Variants in COL5A2 observed in about 807,000 individuals in gnomAD.
COL5A2 encodes collagen type V alpha 2 chain.
In COL5A2, 23 loss-of-function variants were observed where a neutral mutation model predicts 208.2. That is an observed-to-expected ratio of 0.11 (90% CI 0.08 to 0.16). COL5A2 has a LOEUF of 0.16. Among genes scored for constraint, COL5A2 ranks in the 10% least tolerant of loss-of-function variants. The probability of loss-of-function intolerance (pLI) is 1.00; values close to 1 mark genes in which losing one functional copy is unlikely to be tolerated. For missense variants in COL5A2, 1,590 were observed against 1,956.4 expected, an observed-to-expected ratio of 0.81 and a Z score of 3.53; for synonymous variants, 625 against 628.5, an observed-to-expected ratio of 0.99 and a Z score of 0.08.
the COL5A2 span, among the ~76,000 whole-genome samples, chr2:189,329,477 T>A: frequency 6.6e-6 from 1 of 152,156 alleles, no homozygotes; most frequent in Admixed American, 6.5e-5. Flanking sequence ...ATCTTAAATT[T>A]CCTCACCAAA....
intron 1 of COL5A2, among the ~76,000 whole-genome samples, chr2:189,143,129 T>A (rs753684809): frequency 6.6e-6 from 1 of 152,132 alleles, no homozygotes; most frequent in East Asian, 1.9e-4. Context: ...GCCTGCATTA[T>A]CTATATCACT....
At chr2:189,440,100 TC>T in the COL5A2 span, among the ~76,000 whole-genome samples, 1 of 152,220 alleles carries the variant, frequency 6.6e-6, no homozygotes, top group Non-Finnish European at 1.5e-5. Flanking sequence ...TAGTTCTGGC[TC>T]CCCAAATAAT....
At chr2:189,380,941 G>A in the COL5A2 span, among the ~76,000 whole-genome samples, 64 of 152,004 alleles carry the variant, frequency 4.2e-4, no homozygotes, top group African/African-American at 1.4e-3. Context: ...TCAAATATGT[G>A]AATGAAAACA....
intron 2 of COL5A2, among the ~76,000 whole-genome samples, chr2:189,108,893 T>C (rs1401929664): frequency 6.6e-6 from 1 of 151,990 alleles, no homozygotes; most frequent in Non-Finnish European, 1.5e-5. Context: ...TGATTTGATT[T>C]TCCTTCTATT....
At chr2:189,252,740 A>G in the COL5A2 span, among the ~76,000 whole-genome samples, 2 of 100,228 alleles carry the variant, frequency 2.0e-5, no homozygotes, top group Non-Finnish European at 4.2e-5. Flanking sequence ...GTGCACATGT[A>G]CCCTATTAAA....
At chr2:189,254,010 A>G in the COL5A2 span, among the ~76,000 whole-genome samples, 1 of 152,234 alleles carries the variant, frequency 6.6e-6, no homozygotes, top group Non-Finnish European at 1.5e-5. Flanking sequence ...CATCAACTAG[A>G]TTTTAAGCAC....
chr2:189,108,679 G>C (rs1020335569), intron 2 of COL5A2, among the ~76,000 whole-genome samples: 4 of 151,706 alleles, frequency 2.6e-5, no homozygotes, highest in African/African-American at 9.7e-5. Flanking sequence ...GTATTATATT[G>C]TTATTTGTTC....
intron 1 of COL5A2, among the ~76,000 whole-genome samples, chr2:189,139,328 C>G (rs879363643): frequency 6.6e-6 from 1 of 152,006 alleles, no homozygotes; most frequent in Non-Finnish European, 1.5e-5. Flanking sequence ...AATAATAATT[C>G]ATGTTGATAG....
At chr2:189,343,344 G>A in the COL5A2 span, among the ~76,000 whole-genome samples, 1 of 151,986 alleles carries the variant, frequency 6.6e-6, no homozygotes, top group Non-Finnish European at 1.5e-5. Flanking sequence ...CTTATTCTTA[G>A]TAACCTTAAA....
At chr2:189,381,712 G>A in the COL5A2 span, among the ~76,000 whole-genome samples, 7 of 151,964 alleles carry the variant, frequency 4.6e-5, no homozygotes, top group Admixed American at 2.6e-4. Flanking sequence ...GAAAGATTGT[G>A]CAGTAATTTT....
the COL5A2 span, among the ~76,000 whole-genome samples, chr2:189,390,044 T>C: frequency 6.6e-6 from 1 of 152,092 alleles, no homozygotes; most frequent in South Asian, 2.1e-4. Context: ...ACAAAATGAC[T>C]GAGCCCTAGA....
At chr2:189,142,565 T>G (rs1370556560) in intron 1 of COL5A2, among the ~76,000 whole-genome samples, 1 of 152,138 alleles carries the variant, frequency 6.6e-6, no homozygotes, top group Non-Finnish European at 1.5e-5. Context: ...ATTTAAATGC[T>G]TATTATCTTA....
intron 50 of COL5A2, 143 bp from the exon 51 acceptor site, chr2:189,039,706 A>C: frequency 1.4e-6 from 1 of 729,522 alleles, no homozygotes; most frequent in Admixed American, 2.7e-5. Flanking sequence ...TTTTGTAACT[A>C]GATGGGGGTG....
the COL5A2 span, among the ~76,000 whole-genome samples, chr2:189,382,240 A>G: frequency 0.01 from 1,570 of 152,276 alleles, 13 homozygotes; most frequent in Admixed American, 0.032. Flanking sequence ...ATTCCTCTTT[A>G]AGACAATTAA....
the COL5A2 span, among the ~76,000 whole-genome samples, chr2:189,376,730 G>A: frequency 6.6e-6 from 1 of 152,072 alleles, no homozygotes; most frequent in East Asian, 1.9e-4. Context: ...ACAAAATATT[G>A]AAATAAATAT....
the COL5A2 span, among the ~76,000 whole-genome samples, chr2:189,393,277 A>C: frequency 9.2e-5 from 14 of 152,216 alleles, no homozygotes; most frequent in Non-Finnish European, 1.9e-4. Flanking sequence ...GTCTGGCAAT[A>C]TCCTTGTTTA....
At chr2:189,173,594 G>A (rs2105821775) in intron 1 of COL5A2, among the ~76,000 whole-genome samples, 1 of 152,078 alleles carries the variant, frequency 6.6e-6, no homozygotes, top group Middle Eastern at 3.4e-3. Context: ...AACTTTATAT[G>A]GAGATAAATT....
the COL5A2 span, among the ~76,000 whole-genome samples, chr2:189,247,144 T>C: frequency 3.3e-5 from 5 of 151,886 alleles, no homozygotes; most frequent in Non-Finnish European, 5.9e-5. Context: ...GCACAGGTAA[T>C]AGAGAAAAAA....
chr2:189,358,623 T>C, the COL5A2 span, among the ~76,000 whole-genome samples: 2 of 152,198 alleles, frequency 1.3e-5, no homozygotes, highest in Non-Finnish European at 2.9e-5. Context: ...ATCTTAGGTG[T>C]TTTGACAAAT....
Sources: gnomAD v4.1 joint callset for allele counts (sites outside exome capture counted in the v4.1 genomes callset) on GRCh38, gnomAD v4.1.1 for gene constraint, MANE v1.5 for transcripts, NCBI Gene and HGNC (gene_info 2026-07-23, HGNC 2026-07-21) for gene names.